The following TOX variants were observed in gnomAD, a reference collection of about 807,000 sequenced individuals.
TOX encodes thymocyte selection-associated high mobility group box protein TOX.
In TOX, 11 loss-of-function variants were observed where a neutral mutation model predicts 53.7. The ratio of observed to expected loss-of-function variants is 0.20; its 90% CI spans 0.13 to 0.34. The LOEUF (loss-of-function observed/expected upper bound fraction) is 0.34. Ranked by LOEUF, TOX falls within the 10% of genes least tolerant of loss-of-function variation. The pLI, the probability that TOX is intolerant of heterozygous loss-of-function variation, is 1.00. For missense variants in TOX, 570 were observed against 664.6 expected (o/e 0.86, Z 1.56); for synonymous variants, 225 against 245.3 (o/e 0.92, Z 0.77).
intron 2 of TOX, among the ~76,000 whole-genome samples, chr8:58,951,256 T>A (rs1405129958): frequency 6.6e-6 from 1 of 152,200 alleles, no homozygotes; most frequent in Non-Finnish European, 1.5e-5. Flanking sequence ...ACTGAATTGT[T>A]GTAAGGATCA....
intron 3 of TOX, among the ~76,000 whole-genome samples, chr8:58,932,814 C>T (rs1160682354): frequency 1.3e-5 from 2 of 151,950 alleles, no homozygotes; most frequent in South Asian, 4.2e-4. Flanking sequence ...CCTATGAAAG[C>T]GATGGTTGTC....
intron 1 of TOX, among the ~76,000 whole-genome samples, chr8:59,024,229 T>G (rs1002985023): frequency 5.3e-5 from 8 of 152,186 alleles, no homozygotes; most frequent in African/African-American, 1.9e-4. Context: ...TATTAAGAGA[T>G]AAACTGTCTG....
intron 1 of TOX, among the ~76,000 whole-genome samples, chr8:59,087,583 T>C (rs1413497507): frequency 3.9e-5 from 6 of 152,188 alleles, no homozygotes. Context: ...AGATGAAGCA[T>C]TGTTGAAAAG....
intron 3 of TOX, among the ~76,000 whole-genome samples, chr8:58,862,488 T>C (rs1034927645): frequency 6.6e-6 from 1 of 152,184 alleles, no homozygotes; most frequent in African/African-American, 2.4e-5. Context: ...CATGCTAATA[T>C]AATGATCCTT....
At chr8:59,084,072 T>G (rs2129423353) in intron 1 of TOX, among the ~76,000 whole-genome samples, 1 of 152,194 alleles carries the variant, frequency 6.6e-6, no homozygotes, top group East Asian at 1.9e-4. Context: ...AGGAAACATT[T>G]CTTTACCCAT....
chr8:59,081,893 T>C (rs1804415135), intron 1 of TOX, among the ~76,000 whole-genome samples: 1 of 152,212 alleles, frequency 6.6e-6, no homozygotes, highest in Admixed American at 6.5e-5. Context: ...TGTAAGACTA[T>C]ACCATTACCA....
In TOX at chr8:59,094,264, TTTTTA is replaced by T. The variant is rs200139350; in HGVS notation, c.102+24617_102+24621del. On this transcript the variant is annotated intron_variant, in intron 1 of 8. Coordinates refer to ENST00000361421, the MANE Select transcript of TOX (RefSeq NM_014729.3). ...GAGGAGAAAGTAGGAATGTTTTGAC[TTTTTA>T]TTTTATTTCTGTATGAGTGAAAACA... Among the ~76,000 whole-genome samples, 129 of 152,324 alleles carry T rather than the reference TTTTTA, an allele frequency of 8.5e-4. 2 individuals are homozygous for T. In the East Asian group the frequency reaches 0.017, roughly 20 times the overall value.
At chr8:58,964,082 G>GACA (rs1021844558) in intron 1 of TOX, among the ~76,000 whole-genome samples, 1 of 151,836 alleles carries the variant, frequency 6.6e-6, no homozygotes, top group African/African-American at 2.4e-5. Flanking sequence ...GAACAACAAC[G>GACA]ACAACAACAA....
intron 5 of TOX, among the ~76,000 whole-genome samples, chr8:58,833,534 T>G (rs1810498768): frequency 6.6e-6 from 1 of 152,162 alleles, no homozygotes; most frequent in South Asian, 2.1e-4. Context: ...ATGCTGAGGG[T>G]TGCTCAAACT....
At chr8:59,073,870 A>C (rs1804246082) in intron 1 of TOX, among the ~76,000 whole-genome samples, 1 of 152,190 alleles carries the variant, frequency 6.6e-6, no homozygotes, top group Non-Finnish European at 1.5e-5. Context: ...CCTTCACTTA[A>C]ATAGCATGGG....
chr8:58,911,737 T>C (rs6471759), intron 3 of TOX, among the ~76,000 whole-genome samples: 137,922 of 152,132 alleles, frequency 0.91, 62,659 homozygotes, highest in East Asian at 1. Flanking sequence ...GAGTTTCACT[T>C]TTGTTGCCCA....
At chr8:59,055,225 C>A (rs536956350) in intron 1 of TOX, among the ~76,000 whole-genome samples, 1 of 152,242 alleles carries the variant, frequency 6.6e-6, no homozygotes, top group Non-Finnish European at 1.5e-5. Flanking sequence ...TGCAAACAGG[C>A]CCCAGGGGAC....
chr8:58,835,862 A>T (rs1377785740), intron 5 of TOX, among the ~76,000 whole-genome samples: 4 of 152,192 alleles, frequency 2.6e-5, no homozygotes, highest in Non-Finnish European at 5.9e-5. Flanking sequence ...AGTTTGGCAA[A>T]GTAGACACTA....
At position 58,941,113 on chromosome 8, in the gene TOX, A is replaced by G. The variant is rs1812430702; in HGVS notation, c.169-1569T>C. 4.6e-5 allele frequency among the ~76,000 whole-genome samples: 7 copies of G among 152,244 alleles called. 1 individual carries two copies. The South Asian group carries it at 1.4e-3, about 31-fold the overall frequency. ...CCAAATTCTCCTGTTAACAATATGT[A>G]TCCCATGTGAAAAATATGTATGTGC... On this transcript the variant is annotated intron_variant, in intron 2 of 8. Transcript: ENST00000361421.
intron 3 of TOX, among the ~76,000 whole-genome samples, chr8:58,893,679 T>G (rs949060873): frequency 2.0e-5 from 3 of 152,196 alleles, no homozygotes; most frequent in Non-Finnish European, 2.9e-5. Flanking sequence ...GGGTTTTCTT[T>G]CCCTCACAAA....
At chr8:58,926,339 C>A (rs953899621) in intron 3 of TOX, among the ~76,000 whole-genome samples, 3 of 152,092 alleles carry the variant, frequency 2.0e-5, no homozygotes, top group Non-Finnish European at 2.9e-5. Context: ...GGCCCTGAGC[C>A]CATGGGGGGA....
intron 3 of TOX, among the ~76,000 whole-genome samples, chr8:58,869,090 G>C (rs61144556): frequency 6.6e-6 from 1 of 152,146 alleles, no homozygotes; most frequent in African/African-American, 2.4e-5. Flanking sequence ...AGCTGGGCAT[G>C]GTGGTGCGTG....
intron 7 of TOX, among the ~76,000 whole-genome samples, chr8:58,810,203 A>G (rs1045784595): frequency 6.6e-6 from 1 of 152,040 alleles, no homozygotes; most frequent in African/African-American, 2.4e-5. Context: ...GGAGACTTGC[A>G]ATGTTGCCCA....
intron 1 of TOX, among the ~76,000 whole-genome samples, chr8:59,023,129 ATCTCGCTGAGAAACTGAAGG>A (rs1307647957): frequency 1.3e-5 from 2 of 152,190 alleles, no homozygotes; most frequent in Non-Finnish European, 2.9e-5. Context: ...TTGAGGACCA[ATCTCGCTGAGAAACTGAAGG>A]TTTATAAGAA....
Sources: allele counts gnomAD v4.1 joint callset (sites outside exome capture counted in the v4.1 genomes callset), GRCh38; gene constraint gnomAD v4.1.1; transcripts MANE v1.5; gene names NCBI Gene and HGNC (gene_info 2026-07-23, HGNC 2026-07-21).